GSK3B: variants seen among roughly 807,000 people sequenced by gnomAD.
GSK3B encodes the protein glycogen synthase kinase-3 beta.
In GSK3B, 15 loss-of-function variants were observed where a neutral mutation model predicts 56.4. The ratio of observed to expected loss-of-function variants is 0.27; its 90% CI spans 0.18 to 0.41. The LOEUF (loss-of-function observed/expected upper bound fraction) is 0.41, where lower values mean the gene tolerates loss of function less well. GSK3B is among the 10% of genes least tolerant of loss of function. The pLI, the probability that GSK3B is intolerant of heterozygous loss-of-function variation, is 1.00. For synonymous variants in GSK3B, 181 were observed against 188.9 expected (o/e 0.96, Z 0.34); for missense variants, 300 against 513.4 (o/e 0.58, Z 4.02).
intron 10 of GSK3B, among the ~76,000 whole-genome samples, chr3:119,835,545 C>A (rs1488392776): frequency 6.6e-6 from 1 of 152,120 alleles, no homozygotes; most frequent in Non-Finnish European, 1.5e-5. Context: ...TGTCTCTCTG[C>A]CCATTCATAT....
intron 1 of GSK3B, among the ~76,000 whole-genome samples, chr3:120,060,437 GA>G (rs1317131411): frequency 4.6e-5 from 7 of 152,150 alleles, no homozygotes; most frequent in South Asian, 2.1e-4. Context: ...GAGCAAGACA[GA>G]AAGTCTTGGC....
At chr3:119,938,276 A>G (rs1281229213) in intron 3 of GSK3B, among the ~76,000 whole-genome samples, 3 of 152,170 alleles carry the variant, frequency 2.0e-5, no homozygotes, top group African/African-American at 7.2e-5. Flanking sequence ...ACCTCATTCT[A>G]CAAGGCAAGC....
intron 2 of GSK3B, among the ~76,000 whole-genome samples, chr3:119,956,528 T>C (rs2107501215): frequency 6.6e-6 from 1 of 152,286 alleles, no homozygotes; most frequent in South Asian, 2.1e-4. Context: ...CCTTTAAACA[T>C]CGTGTTGGTG....
At chr3:119,959,849 G>C (rs564568826) in intron 2 of GSK3B, among the ~76,000 whole-genome samples, 2 of 151,772 alleles carry the variant, frequency 1.3e-5, no homozygotes, top group Non-Finnish European at 2.9e-5. Context: ...CACTGCGCCC[G>C]GCTTGACCTC....
At chr3:119,847,543 CA>C (rs2055872705) in intron 9 of GSK3B, among the ~76,000 whole-genome samples, 1 of 151,956 alleles carries the variant, frequency 6.6e-6, no homozygotes, top group African/African-American at 2.4e-5. Flanking sequence ...ACCCACATGA[CA>C]AACCTATATC....
At position 119,843,264 on chromosome 3, in the gene GSK3B, C is replaced by T. The variant is rs781064367; in HGVS notation, c.1186G>A (p.Ala396Thr). The change falls in exon 10 of 11, where the codon GCA (alanine) becomes ACA (threonine). Residue 396 changes from alanine to threonine, a missense_variant. Physicochemically the swap from Ala to Thr is moderately conservative, Grantham distance 58 (BLOSUM62 0). Around this residue, in one of 6 missense-constraint regions of GSK3B, gnomAD observed 88 missense variants for 92.7 expected, o/e 0.95. Transcript: ENST00000264235. The stretch of plus-strand genomic sequence containing the variant: ...CTTAGAACGTTCTTACCTGACGCTG[C>T]TGTGGCATTTGTGGGGGTTGAAGCA... ...AAASTPTNAT[A>T]ASDANTGDRG... The T allele has an allele frequency of 2.5e-6, 4 of 1,603,522 alleles. No individual in the cohort carries two copies. The African/African-American group carries it at 4.0e-5, about 16-fold the overall frequency.
chr3:119,987,539 C>T (rs2057527595), intron 2 of GSK3B, among the ~76,000 whole-genome samples: 1 of 152,048 alleles, frequency 6.6e-6, no homozygotes, highest in African/African-American at 2.4e-5. Context: ...TGTGTGTAAA[C>T]ATATTGGTAA....
At chr3:119,961,498 C>T (rs1345150619) in intron 2 of GSK3B, among the ~76,000 whole-genome samples, 5 of 151,840 alleles carry the variant, frequency 3.3e-5, no homozygotes, top group South Asian at 4.2e-4. Context: ...GGTGGTGGCA[C>T]ACACCTATAG....
chr3:119,972,782 T>C (rs1429646705), intron 2 of GSK3B, among the ~76,000 whole-genome samples: 2 of 152,170 alleles, frequency 1.3e-5, no homozygotes, highest in African/African-American at 4.8e-5. Context: ...TAAGCAATTA[T>C]ACCTTTTTGC....
chr3:119,981,607 G>A (rs1354236774), intron 2 of GSK3B, among the ~76,000 whole-genome samples: 5 of 152,258 alleles, frequency 3.3e-5, no homozygotes, highest in Admixed American at 2.0e-4. Flanking sequence ...GCAGTAGTCT[G>A]AGATCGATCT....
Position 119,825,095 on chromosome 3 carries a change from G to A in GSK3B, c.*1693C>T, listed in dbSNP as rs1465209357. 1 of 200,416 alleles carries A rather than the reference G, an allele frequency of 5.0e-6. No individual in the cohort carries two copies. Among genetic ancestry groups the A allele is most frequent in the Non-Finnish European group, 1.0e-5 (1 of 97,160 alleles). 12.4% of individuals were successfully genotyped at this position (200,416 alleles called of 1,614,324 possible). A position where few individuals can be genotyped will look rare whatever the true frequency, so the allele number is the denominator to read the frequency against. ...ACCTTGGAAGGCATGTGGGGAAGGA[G>A]CGGGTAGGAGGGAAAGGCGGCCATC... On this transcript the variant is annotated 3_prime_UTR_variant, in exon 11 of 11. Transcript: ENST00000264235.
chr3:120,092,701 C>A (rs1559910548), intron 1 of GSK3B, among the ~76,000 whole-genome samples: 1 of 152,148 alleles, frequency 6.6e-6, no homozygotes, highest in African/African-American at 2.4e-5. Context: ...CAAATGCATA[C>A]AGAGATGTTA....
At chr3:120,092,435 T>G (rs1218182622) in intron 1 of GSK3B, among the ~76,000 whole-genome samples, 1 of 152,200 alleles carries the variant, frequency 6.6e-6, no homozygotes, top group Non-Finnish European at 1.5e-5. Flanking sequence ...AATCGTCCTT[T>G]TTAAGGAACC....
intron 1 of GSK3B, among the ~76,000 whole-genome samples, chr3:120,042,669 A>G (rs145587073): frequency 8.5e-4 from 129 of 152,336 alleles, no homozygotes; most frequent in Admixed American, 2.5e-3. Context: ...AGTTCAGGCT[A>G]ATAAAAAATA....
At chr3:119,833,301 A>G (rs2055633208) in intron 10 of GSK3B, among the ~76,000 whole-genome samples, 1 of 152,174 alleles carries the variant, frequency 6.6e-6, no homozygotes, top group South Asian at 2.1e-4. Context: ...GAGAAGACAG[A>G]AAATAAACAT....
At chr3:120,045,952 T>C (rs892746740) in intron 1 of GSK3B, among the ~76,000 whole-genome samples, 3 of 152,200 alleles carry the variant, frequency 2.0e-5, no homozygotes, top group Non-Finnish European at 2.9e-5. Flanking sequence ...ATGTTAAATA[T>C]ATTGCTAAGT....
intron 9 of GSK3B, among the ~76,000 whole-genome samples, chr3:119,844,273 G>C (rs1311683249): frequency 2.0e-5 from 3 of 151,398 alleles, no homozygotes; most frequent in Non-Finnish European, 4.4e-5. Context: ...AAGAACCAGA[G>C]AAGCAAGAGC....
chr3:119,952,413 G>C (rs754928343), intron 2 of GSK3B, among the ~76,000 whole-genome samples: 87 of 151,024 alleles, frequency 5.8e-4, no homozygotes, highest in Non-Finnish European at 1.0e-3. Flanking sequence ...GCTTGAGCCC[G>C]GGAGGCAGAG....
intron 1 of GSK3B, among the ~76,000 whole-genome samples, chr3:120,013,163 G>A (rs80302042): frequency 0.026 from 3,933 of 152,142 alleles, 175 homozygotes; most frequent in African/African-American, 0.089. Context: ...CGATGAATAC[G>A]GTGACATGGA....
Sources: allele counts gnomAD v4.1 joint callset (sites outside exome capture counted in the v4.1 genomes callset), GRCh38; gene constraint gnomAD v4.1.1; regional missense constraint gnomAD v4.1.1; transcripts MANE v1.5; gene names NCBI Gene and HGNC (gene_info 2026-07-23, HGNC 2026-07-21).